The following CHP1 variants were observed in gnomAD, a reference collection of about 807,000 sequenced individuals.
CHP1 encodes calcineurin like EF-hand protein 1.
Under a neutral mutation model 27.4 loss-of-function variants are expected in CHP1, and 11 were observed. The ratio of observed to expected loss-of-function variants is 0.40; its 90% CI spans 0.25 to 0.67. The LOEUF (loss-of-function observed/expected upper bound fraction) is 0.67, where lower values mean the gene tolerates loss of function less well. Ranked by LOEUF, CHP1 falls within the 30% of genes least tolerant of loss-of-function variation. The pLI, the probability that CHP1 is intolerant of heterozygous loss-of-function variation, is 0.38. For synonymous variants in CHP1, 89 were observed against 87.4 expected (o/e 1.02, Z -0.10); for missense variants, 169 against 251.3 (o/e 0.67, Z 2.22).
chr15:41,270,266 T>TA (rs547288187), intron 4 of CHP1, among the ~76,000 whole-genome samples: 1 of 149,910 alleles, frequency 6.7e-6, no homozygotes, highest in African/African-American at 2.5e-5. Context: ...AGGAGTGTTT[T>TA]GGGGGGGGGC....
intron 4 of CHP1, among the ~76,000 whole-genome samples, chr15:41,265,580 G>A (rs1257554075): frequency 1.3e-5 from 2 of 151,200 alleles, no homozygotes; most frequent in African/African-American, 4.9e-5. Flanking sequence ...GCGTGGTGGC[G>A]GGCGCCTGTA....
intron 5 of CHP1, among the ~76,000 whole-genome samples, chr15:41,277,818 C>T (rs2047527016): frequency 6.8e-6 from 1 of 146,958 alleles, no homozygotes; most frequent in Non-Finnish European, 1.5e-5. Context: ...GGCATGGTTG[C>T]ACACACCTGT....
In CHP1 at chr15:41,280,026, T is replaced by A. The variant is rs2047537808; in HGVS notation, c.*637T>A. 1 of 152,314 alleles carries A rather than the reference T, an allele frequency of 6.6e-6. No individual in the cohort carries two copies. 9.4% of individuals were successfully genotyped at this position (152,314 alleles called of 1,614,324 possible). On this transcript the variant is annotated 3_prime_UTR_variant, in exon 7 of 7. Coordinates refer to ENST00000334660, the MANE Select transcript of CHP1 (RefSeq NM_007236.5). Reference sequence around the variant, plus strand: ...CTGGGATGTTGCCTCTTCAGGAGCTTTTTGGTAATCAATACTTCTCTCAGA... The same window carrying A: ...CTGGGATGTTGCCTCTTCAGGAGCTATTTGGTAATCAATACTTCTCTCAGA...
intron 2 of CHP1, among the ~76,000 whole-genome samples, chr15:41,247,238 G>A (rs1283727547): frequency 1.3e-5 from 2 of 151,948 alleles, no homozygotes; most frequent in Non-Finnish European, 2.9e-5. Flanking sequence ...GTGTGGTGGC[G>A]CATGCCTGGA....
chr15:41,243,616 T>C (rs747699530), intron 1 of CHP1, 51 bp from the exon 2 acceptor site: 1 of 1,505,306 alleles, frequency 6.6e-7, no homozygotes, highest in Non-Finnish European at 9.2e-7. Context: ...GTGGGTTCAG[T>C]GTGAATGAGG....
intron 4 of CHP1, among the ~76,000 whole-genome samples, chr15:41,267,567 C>T (rs1165355209): frequency 6.6e-6 from 1 of 151,228 alleles, no homozygotes; most frequent in Non-Finnish European, 1.5e-5. Context: ...GAGGCTGAGA[C>T]AGGAAAATTG....
chr15:41,235,009 T>C (rs1291443225), intron 1 of CHP1, among the ~76,000 whole-genome samples: 4 of 152,216 alleles, frequency 2.6e-5, no homozygotes, highest in African/African-American at 4.8e-5. Context: ...GAAACTGTTA[T>C]GATGTTTTAA....
intron 4 of CHP1, among the ~76,000 whole-genome samples, chr15:41,270,158 C>A (rs559125792): frequency 6.6e-6 from 1 of 152,234 alleles, no homozygotes; most frequent in African/African-American, 2.4e-5. Flanking sequence ...GTGGTCAGCT[C>A]TCATGGTGCC....
At chr15:41,262,690 A>G (rs146138265) in intron 3 of CHP1, 66 bp from the exon 4 acceptor site, 14 of 1,592,260 alleles carry the variant, frequency 8.8e-6, no homozygotes, top group Non-Finnish European at 1.2e-5. Flanking sequence ...TTGCCAGTAT[A>G]TTTAATTCAT....
chr15:41,262,189 A>G (rs939847440), intron 3 of CHP1, among the ~76,000 whole-genome samples: 1 of 152,198 alleles, frequency 6.6e-6, no homozygotes, highest in South Asian at 2.1e-4. Context: ...GCAAGACTTT[A>G]TTTATTTATA....
At position 41,280,504 on chromosome 15, in the gene CHP1, A is replaced by T. The variant is rs28493702; in HGVS notation, c.*1115A>T. The T allele has an allele frequency of 1.5e-5, 2 of 136,890 alleles. No homozygotes were observed. The highest frequency in any genetic ancestry group is 3.1e-5 in the Non-Finnish European group (2 of 63,598). 8.5% of individuals were successfully genotyped at this position (136,890 alleles called of 1,614,324 possible). On this transcript the variant is annotated 3_prime_UTR_variant, in exon 7 of 7. Transcript: ENST00000334660. ...CGGAAGTGCCTAATATCCCAGTCCA[A>T]ATTTTTTTTTTTTTTTTTTTTTTTT...
chr15:41,233,125 G>GC (rs1567001007), intron 1 of CHP1, among the ~76,000 whole-genome samples: 1 of 152,172 alleles, frequency 6.6e-6, no homozygotes, highest in Admixed American at 6.5e-5. Context: ...GAGTGGAGAC[G>GC]CAAGCAGTTT....
chr15:41,268,641 CAA>C (rs781241008), intron 4 of CHP1, among the ~76,000 whole-genome samples: 2 of 128,980 alleles, frequency 1.6e-5, no homozygotes, highest in Non-Finnish European at 1.7e-5. Context: ...GACTCCATCT[CAA>C]AAAAAAAAAA....
intron 5 of CHP1, among the ~76,000 whole-genome samples, chr15:41,272,949 C>A (rs1003406641): frequency 6.6e-6 from 1 of 151,686 alleles, no homozygotes; most frequent in South Asian, 2.1e-4. Context: ...CCCAGTTACT[C>A]GGGAGGCTGA....
intron 2 of CHP1, among the ~76,000 whole-genome samples, chr15:41,248,992 C>G (rs972084077): frequency 6.6e-6 from 1 of 152,120 alleles, no homozygotes; most frequent in African/African-American, 2.4e-5. Context: ...TCTTCTACCC[C>G]CTCTAGCCTT....
At chr15:41,278,625 A>C (rs2047531086) in intron 5 of CHP1, 142 bp from the exon 6 acceptor site, 1 of 960,480 alleles carries the variant, frequency 1.0e-6, no homozygotes, top group Non-Finnish European at 1.5e-6. Context: ...TCGGTCATTA[A>C]CCAAAACATT....
In CHP1 at chr15:41,281,885, A is replaced by G. The variant is rs1261679777; in HGVS notation, c.*2496A>G. ...TCAATAAATACTTGTGGTTGAAACA[A>G]AATAACTTTTGTCCATTTTACAAGA... On this transcript the variant is annotated 3_prime_UTR_variant, in exon 7 of 7. Transcript: ENST00000334660. 6.5e-6 allele frequency: 1 copy of G among 152,750 alleles called. No homozygotes were observed. Among genetic ancestry groups the G allele is most frequent in the East Asian group, 1.9e-4 (1 of 5,190 alleles). 9.5% of individuals were successfully genotyped at this position (152,750 alleles called of 1,614,324 possible). A position where few individuals can be genotyped will look rare whatever the true frequency, so the allele number is the denominator to read the frequency against.
intron 2 of CHP1, among the ~76,000 whole-genome samples, chr15:41,247,615 T>A (rs2047342119): frequency 6.6e-6 from 1 of 151,254 alleles, no homozygotes; most frequent in East Asian, 1.9e-4. Context: ...GAGGTTGCAG[T>A]GAGCCGAGAT....
At chr15:41,231,491 T>G (rs2047241465) in intron 1 of CHP1, 42 bp downstream of exon 1, 1 of 1,567,734 alleles carries the variant, frequency 6.4e-7, no homozygotes, top group Admixed American at 1.9e-5. Flanking sequence ...CGCCTCAGGC[T>G]GGCCTCACAA....
Sources: allele counts gnomAD v4.1 joint callset (sites outside exome capture counted in the v4.1 genomes callset), GRCh38; gene constraint gnomAD v4.1.1; transcripts MANE v1.5; gene names NCBI Gene and HGNC (gene_info 2026-07-23, HGNC 2026-07-21).